The following RRAS2 variants were observed in gnomAD, a reference collection of about 807,000 sequenced individuals.
The protein encoded by RRAS2 is ras-related protein R-Ras2.
Under a neutral mutation model 27.6 loss-of-function variants are expected in RRAS2, and 7 were observed. That is an observed-to-expected ratio of 0.25 (90% CI 0.14 to 0.48). RRAS2 has a LOEUF of 0.48. Among genes scored for constraint, RRAS2 ranks in the 20% least tolerant of loss-of-function variants. The pLI is 0.99. For missense variants in RRAS2, 178 were observed against 256.2 expected (o/e 0.69, Z 2.08); for synonymous variants, 86 against 90.9 (o/e 0.95, Z 0.31).
intron 1 of RRAS2, among the ~76,000 whole-genome samples, chr11:14,325,528 T>C (rs1848334911): frequency 6.6e-6 from 1 of 152,170 alleles, no homozygotes. Flanking sequence ...CTCGATCTCC[T>C]GACCTCGTGA....
At chr11:14,307,413 A>G (rs1000670562) in intron 1 of RRAS2, among the ~76,000 whole-genome samples, 1 of 152,082 alleles carries the variant, frequency 6.6e-6, no homozygotes, top group East Asian at 1.9e-4. Context: ...GAGACAGAAT[A>G]TCTCATTTTG....
intron 1 of RRAS2, among the ~76,000 whole-genome samples, chr11:14,337,644 T>C (rs188851996): frequency 1.3e-3 from 197 of 152,322 alleles, no homozygotes; most frequent in African/African-American, 4.5e-3. Context: ...AATTTATAAA[T>C]TAAACTTTAT....
In RRAS2 at chr11:14,321,624, C is replaced by T. The variant is rs572922572; in HGVS notation, c.109-25769G>A. Among the ~76,000 whole-genome samples, 18 of 152,262 alleles carry T rather than the reference C, an allele frequency of 1.2e-4. No individual in the cohort carries two copies. In the South Asian group the frequency reaches 3.7e-3, roughly 32 times the overall value. ...TGGATCCTTCTTAATAAAGGAAATACCAGATTTAGCTCCCTTTCCACTATC... is the reference window on the plus strand; with the variant it reads ...TGGATCCTTCTTAATAAAGGAAATATCAGATTTAGCTCCCTTTCCACTATC... On this transcript the variant is annotated intron_variant, in intron 1 of 5. Transcript: ENST00000256196.
At chr11:14,357,310 C>T (rs1049082100) in intron 1 of RRAS2, among the ~76,000 whole-genome samples, 4 of 152,086 alleles carry the variant, frequency 2.6e-5, no homozygotes, top group African/African-American at 9.7e-5. Flanking sequence ...CCCCCACCCT[C>T]CCTCAGCCAT....
intron 1 of RRAS2, among the ~76,000 whole-genome samples, chr11:14,303,318 G>A (rs1190785397): frequency 5.3e-5 from 8 of 152,178 alleles, no homozygotes; most frequent in African/African-American, 1.7e-4. Flanking sequence ...CTGATATACT[G>A]AGTTAAACTC....
At chr11:14,351,939 G>C (rs1042263047) in intron 1 of RRAS2, among the ~76,000 whole-genome samples, 2 of 150,208 alleles carry the variant, frequency 1.3e-5, no homozygotes, top group Non-Finnish European at 3.0e-5. Context: ...CTGGTTTTTC[G>C]GAAATACACA....
upstream of RRAS2, among the ~76,000 whole-genome samples, chr11:14,364,175 A>C (rs535935161): frequency 6.6e-6 from 1 of 152,248 alleles, no homozygotes; most frequent in African/African-American, 2.4e-5. Flanking sequence ...AACAATGACC[A>C]TCTCATCTGG....
At chr11:14,287,646 T>A (rs1011861803) in intron 4 of RRAS2, among the ~76,000 whole-genome samples, 1 of 151,704 alleles carries the variant, frequency 6.6e-6, no homozygotes, top group Non-Finnish European at 1.5e-5. Context: ...CCGAGGTGGG[T>A]GGATCACCTA....
chr11:14,316,844 C>G (rs770843051), intron 1 of RRAS2, among the ~76,000 whole-genome samples: 1 of 152,176 alleles, frequency 6.6e-6, no homozygotes, highest in African/African-American at 2.4e-5. Context: ...ACTTTGGGTT[C>G]TACTGCAAAT....
chr11:14,363,523 C>T (rs1849215936), upstream of RRAS2, among the ~76,000 whole-genome samples: 1 of 152,200 alleles, frequency 6.6e-6, no homozygotes, highest in Non-Finnish European at 1.5e-5. Flanking sequence ...AATCCCAGCA[C>T]TTTGGGAGGC....
At chr11:14,289,686 G>T (rs1271855218) in intron 4 of RRAS2, among the ~76,000 whole-genome samples, 2 of 152,080 alleles carry the variant, frequency 1.3e-5, no homozygotes, top group African/African-American at 4.8e-5. Flanking sequence ...GCCTAGAAAA[G>T]GTGTTCAATA....
upstream of RRAS2, among the ~76,000 whole-genome samples, chr11:14,361,601 G>A (rs781812741): frequency 3.1e-4 from 47 of 152,216 alleles, no homozygotes; most frequent in Non-Finnish European, 5.6e-4. Flanking sequence ...GGTAAGTGTT[G>A]ACAAAGATGT....
chr11:14,336,014 G>A (rs1848582427), intron 1 of RRAS2, among the ~76,000 whole-genome samples: 1 of 152,214 alleles, frequency 6.6e-6, no homozygotes, highest in Non-Finnish European at 1.5e-5. Flanking sequence ...ACACTCAAAA[G>A]GCTGTAAAGG....
At chr11:14,338,422 C>A (rs1325408061) in intron 1 of RRAS2, among the ~76,000 whole-genome samples, 7 of 152,118 alleles carry the variant, frequency 4.6e-5, no homozygotes, top group African/African-American at 1.7e-4. Flanking sequence ...GGATGGGACC[C>A]AAGTCTAAAC....
At chr11:14,355,438 C>G (rs974500475) in intron 1 of RRAS2, among the ~76,000 whole-genome samples, 1 of 152,080 alleles carries the variant, frequency 6.6e-6, no homozygotes, top group Non-Finnish European at 1.5e-5. Context: ...ATATGAGCAA[C>G]AGAAAGGAGG....
intron 1 of RRAS2, among the ~76,000 whole-genome samples, chr11:14,302,064 CCACACACATACACACACA>C (rs1242086970): frequency 5.8e-5 from 3 of 51,820 alleles, no homozygotes; most frequent in Non-Finnish European, 1.2e-4. Flanking sequence ...AGTAAATGTA[CCACACACATACACACACA>C]CACACACACA....
intron 1 of RRAS2, among the ~76,000 whole-genome samples, chr11:14,309,338 A>AC (rs1373135999): frequency 6.6e-6 from 1 of 152,120 alleles, no homozygotes; most frequent in Non-Finnish European, 1.5e-5. Flanking sequence ...CTCACTCACC[A>AC]CCCCACTTAA....
At chr11:14,347,283 A>G (rs1848855672) in intron 1 of RRAS2, among the ~76,000 whole-genome samples, 2 of 152,262 alleles carry the variant, frequency 1.3e-5, no homozygotes, top group Non-Finnish European at 2.9e-5. Flanking sequence ...CCTTAATGAC[A>G]AACGGATTAA....
At position 14,294,501 on chromosome 11, in the gene RRAS2, A is replaced by G; in HGVS notation, c.378T>C (p.Gly126=). 6.3e-7 allele frequency: 1 copy of G among 1,597,756 alleles called. No individual in the cohort carries two copies. The highest frequency in any genetic ancestry group is 1.2e-5 in the South Asian group (1 of 86,826). ...TTTGATGATCCAGATCTGCTTTATT[A>G]CCAATTAAAATCATTGGGAACTCAT... ...DRDEFPMILI[G]NKADLDHQRQ... Residue 126 remains glycine (G), a synonymous_variant, in exon 4 of 6, where the codon GGT becomes GGC. Coordinates refer to ENST00000256196, the MANE Select transcript of RRAS2 (RefSeq NM_012250.6).
Sources: allele counts gnomAD v4.1 joint callset (sites outside exome capture counted in the v4.1 genomes callset), GRCh38; gene constraint gnomAD v4.1.1; transcripts MANE v1.5; gene names NCBI Gene and HGNC (gene_info 2026-07-23, HGNC 2026-07-21).